DPH6: variants seen among roughly 807,000 people sequenced by gnomAD.
DPH6 encodes the protein diphthamine biosynthesis 6.
DPH6 carries 33 observed loss-of-function variants against 38.2 expected under a neutral mutation model. That is an observed-to-expected ratio of 0.86 (90% confidence interval 0.65 to 1.15). The LOEUF (loss-of-function observed/expected upper bound fraction) is 1.15, where lower values mean the gene tolerates loss of function less well. Ranked by LOEUF, DPH6 falls within the 50% of genes most tolerant of loss-of-function variation. DPH6 has a pLI of 0.00. For missense variants in DPH6, 325 were observed against 320.0 expected, an observed-to-expected ratio of 1.02 and a Z score of -0.12; for synonymous variants, 108 against 103.0, an observed-to-expected ratio of 1.05 and a Z score of -0.30.
intron 2 of DPH6, among the ~76,000 whole-genome samples, chr15:35,538,820 A>G (rs900886428): frequency 3.3e-5 from 5 of 152,160 alleles, no homozygotes; most frequent in African/African-American, 1.2e-4. Flanking sequence ...AAATGTTTTT[A>G]CAAATCATTC....
intron 6 of DPH6, among the ~76,000 whole-genome samples, chr15:35,397,055 T>C (rs544248765): frequency 6.6e-6 from 1 of 152,352 alleles, no homozygotes; most frequent in Admixed American, 6.5e-5. Context: ...TAATCTTTTA[T>C]GAGGTAGGGA....
the DPH6 span, among the ~76,000 whole-genome samples, chr15:35,192,184 G>A: frequency 1.2e-3 from 183 of 152,200 alleles, 1 homozygote; most frequent in African/African-American, 4.3e-3. Flanking sequence ...TTTTATTGTA[G>A]TGCAAAATAA....
At chr15:35,384,508 G>A (rs975353803) in intron 6 of DPH6, among the ~76,000 whole-genome samples, 2 of 152,092 alleles carry the variant, frequency 1.3e-5, no homozygotes, top group Middle Eastern at 3.4e-3. Flanking sequence ...AAAAATGTCT[G>A]CAGATATTGC....
At position 35,381,859 on chromosome 15, in the gene DPH6, T is replaced by C. The variant is rs2052871008; in HGVS notation, c.625A>G (p.Thr209Ala). The C allele has an allele frequency of 3.7e-6, 6 of 1,613,544 alleles. No homozygotes were observed. Among genetic ancestry groups the C allele is most frequent in the Middle Eastern group, 1.6e-4 (1 of 6,078 alleles). The change falls in exon 7 of 9, where the codon ACT becomes GCT. Residue 209 changes from threonine to alanine, a missense_variant. Transcript: ENST00000256538. ...TTCTTAAATAGAGGGCAATCCAAAG[T>C]GAAAGTTTCATACTCTCCACCTTCT... is the stretch of plus-strand genomic sequence containing the variant. ...CGEGGEYETFTLDCPLFKKKI... is the reference protein window; with the variant it reads ...CGEGGEYETFALDCPLFKKKI...
Position 35,371,812 on chromosome 15 carries a change from G to T in DPH6, c.*338C>A, listed in dbSNP as rs745514538. On this transcript the variant is annotated 3_prime_UTR_variant, in exon 9 of 9. Coordinates refer to ENST00000256538, the MANE Select transcript of DPH6 (RefSeq NM_080650.4). ...ACATTATTGGTAGGGATTGGAGCAA[G>T]AAAGAGAGAAGGAGGAAAAGAAACT... The T allele has an allele frequency of 8.7e-5, 89 of 1,021,056 alleles. No homozygotes were observed. The highest frequency in any genetic ancestry group is 1.0e-4 in the Non-Finnish European group (87 of 854,736). The allele number at this position is 1,021,056 out of a possible 1,614,324, so 63.2% of individuals were successfully genotyped here.
chr15:35,361,202 T>C (rs1248564965), intron 3 of DPH6, among the ~76,000 whole-genome samples: 3 of 152,198 alleles, frequency 2.0e-5, no homozygotes, highest in Non-Finnish European at 1.5e-5. Flanking sequence ...CTTCTCAAAG[T>C]GGCCCTCCAA....
downstream of DPH6, among the ~76,000 whole-genome samples, chr15:35,216,412 ACT>A: frequency 6.6e-6 from 1 of 152,140 alleles, no homozygotes; most frequent in Non-Finnish European, 1.5e-5. Flanking sequence ...TTTTTCTTCA[ACT>A]CTGACTCTCA....
chr15:35,413,025 ACAAAT>A (rs1402563778), intron 5 of DPH6, among the ~76,000 whole-genome samples: 1 of 151,648 alleles, frequency 6.6e-6, no homozygotes, highest in Non-Finnish European at 1.5e-5. Context: ...AACAATTTTA[ACAAAT>A]GTACAACTCT....
the DPH6 span, among the ~76,000 whole-genome samples, chr15:35,149,716 T>G: frequency 2.0e-5 from 3 of 152,244 alleles, no homozygotes; most frequent in Admixed American, 1.3e-4. Context: ...GCTGAGCCTT[T>G]TATAGAATTT....
intron 3 of DPH6, among the ~76,000 whole-genome samples, chr15:35,277,886 CTT>C (rs2051869871): frequency 6.6e-6 from 1 of 152,122 alleles, no homozygotes; most frequent in South Asian, 2.1e-4. Context: ...GGCCTGGCTG[CTT>C]CTAAGAGCCT....
chr15:35,266,773 A>G (rs1475041084), intron 3 of DPH6, among the ~76,000 whole-genome samples: 2 of 152,170 alleles, frequency 1.3e-5, no homozygotes, highest in Non-Finnish European at 2.9e-5. Flanking sequence ...ATTGTTTTCT[A>G]TTGTCTTTGT....
intron 3 of DPH6, among the ~76,000 whole-genome samples, chr15:35,501,185 T>C (rs575981327): frequency 6.6e-6 from 1 of 152,314 alleles, no homozygotes; most frequent in South Asian, 2.1e-4. Context: ...TCCCCTAATA[T>C]CATAATGACA....
chr15:35,460,940 T>C (rs2054059233), intron 3 of DPH6, among the ~76,000 whole-genome samples: 1 of 146,222 alleles, frequency 6.8e-6, no homozygotes, highest in African/African-American at 2.5e-5. Context: ...ACTAGAACTA[T>C]TTCCACACCT....
chr15:35,413,547 C>A (rs1217738298), intron 5 of DPH6, among the ~76,000 whole-genome samples: 2 of 151,652 alleles, frequency 1.3e-5, no homozygotes, highest in African/African-American at 2.4e-5. Flanking sequence ...ATTTCATCTC[C>A]ATCAGATTTT....
chr15:35,538,504 A>T (rs1482280814), intron 2 of DPH6, 37 bp from the exon 3 acceptor site: 11 of 1,423,166 alleles, frequency 7.7e-6, no homozygotes, highest in Non-Finnish European at 1.0e-5. Flanking sequence ...AGCAAAAGAG[A>T]GTGAAAAAGA....
chr15:35,170,475 T>G, the DPH6 span, among the ~76,000 whole-genome samples: 5 of 152,166 alleles, frequency 3.3e-5, no homozygotes, highest in African/African-American at 1.2e-4. Flanking sequence ...TTTTTACTTA[T>G]GTGTTTGGAG....
intron 5 of DPH6, among the ~76,000 whole-genome samples, chr15:35,437,082 G>A (rs904688803): frequency 6.6e-6 from 1 of 151,958 alleles, no homozygotes; most frequent in Non-Finnish European, 1.5e-5. Flanking sequence ...CCACTTTGAC[G>A]CCCATGGTGG....
chr15:35,442,968 T>C (rs1281483341), intron 5 of DPH6, among the ~76,000 whole-genome samples: 2 of 152,184 alleles, frequency 1.3e-5, no homozygotes, highest in East Asian at 1.9e-4. Context: ...GTGGTGATGA[T>C]TGCACAACCT....
At chr15:35,463,110 A>G (rs73380747) in intron 3 of DPH6, among the ~76,000 whole-genome samples, 75 of 152,272 alleles carry the variant, frequency 4.9e-4, no homozygotes, top group African/African-American at 1.8e-3. Flanking sequence ...AGCTAAAATT[A>G]GATACTTTTT....
Sources: allele counts gnomAD v4.1 joint callset (sites outside exome capture counted in the v4.1 genomes callset), GRCh38; gene constraint gnomAD v4.1.1; transcripts MANE v1.5; gene names NCBI Gene and HGNC (gene_info 2026-07-23, HGNC 2026-07-21).